KCNIP3: variants seen among roughly 807,000 people sequenced by gnomAD.
KCNIP3 encodes potassium voltage-gated channel interacting protein 3, also known as calsenilin.
Under a neutral mutation model 35.0 loss-of-function variants are expected in KCNIP3, and 28 were observed. That is an observed-to-expected ratio of 0.80 (90% confidence interval 0.59 to 1.10). KCNIP3 has a LOEUF of 1.10. KCNIP3 is among the 50% of genes least tolerant of loss of function. The probability of loss-of-function intolerance (pLI) is 0.00; values close to 1 mark genes in which losing one functional copy is unlikely to be tolerated. For missense variants in KCNIP3, 295 were observed against 338.4 expected (o/e 0.87, Z 1.01); for synonymous variants, 134 against 133.8 (o/e 1.00, Z -0.01).
At chr2:95,358,258 G>A (rs187365655) in intron 2 of KCNIP3, among the ~76,000 whole-genome samples, 130 of 152,262 alleles carry the variant, frequency 8.5e-4, no homozygotes, top group African/African-American at 3.0e-3. Context: ...ATGGGGTGGC[G>A]AAAAAGTGCC....
intron 2 of KCNIP3, among the ~76,000 whole-genome samples, chr2:95,315,462 T>C (rs1472407831): frequency 2.0e-5 from 3 of 152,156 alleles, no homozygotes; most frequent in African/African-American, 4.8e-5. Flanking sequence ...TGTGAAGCAC[T>C]TGCTGTCCCA....
intron 2 of KCNIP3, among the ~76,000 whole-genome samples, chr2:95,334,710 C>A (rs1299108541): frequency 6.6e-6 from 1 of 152,154 alleles, no homozygotes; most frequent in Non-Finnish European, 1.5e-5. Context: ...GAGAAATCCT[C>A]CACATGGGAG....
chr2:95,372,236 C>A (rs1032276270), intron 2 of KCNIP3, among the ~76,000 whole-genome samples: 1 of 152,192 alleles, frequency 6.6e-6, no homozygotes, highest in Non-Finnish European at 1.5e-5. Flanking sequence ...TCCATCCACG[C>A]TGCTGTGTGT....
chr2:95,345,843 C>T (rs1679341825), intron 2 of KCNIP3, among the ~76,000 whole-genome samples: 1 of 152,224 alleles, frequency 6.6e-6, no homozygotes, highest in East Asian at 1.9e-4. Context: ...CTACCAGACC[C>T]GGCAGGAAGA....
intron 2 of KCNIP3, chr2:95,311,795 C>T (rs1678326099): frequency 6.6e-6 from 1 of 152,264 alleles, no homozygotes; most frequent in Non-Finnish European, 1.5e-5. Context: ...AGACTTGTCC[C>T]CAACCCCTTC....
At chr2:95,300,850 G>C (rs1328536908) in intron 1 of KCNIP3, among the ~76,000 whole-genome samples, 2 of 152,200 alleles carry the variant, frequency 1.3e-5, no homozygotes, top group Non-Finnish European at 1.5e-5. Flanking sequence ...TGCCACCTCA[G>C]CTCTCTGCCC....
intron 2 of KCNIP3, among the ~76,000 whole-genome samples, chr2:95,347,348 C>T (rs1679402529): frequency 6.6e-6 from 1 of 152,194 alleles, no homozygotes; most frequent in African/African-American, 2.4e-5. Context: ...AGTGAGGCGC[C>T]TGGTGACACC....
chr2:95,342,407 G>C (rs145510438), intron 2 of KCNIP3, among the ~76,000 whole-genome samples: 7 of 152,338 alleles, frequency 4.6e-5, no homozygotes, highest in Non-Finnish European at 1.0e-4. Context: ...TGCTTTAGCT[G>C]CTTGGATTAG....
chr2:95,373,247 A>G (rs1680081291), intron 2 of KCNIP3, among the ~76,000 whole-genome samples: 1 of 152,204 alleles, frequency 6.6e-6, no homozygotes, highest in Non-Finnish European at 1.5e-5. Context: ...AGGTGTGGGC[A>G]CTCAGTGCTG....
Position 95,384,186 on chromosome 2 carries a change from A to ACACACG in KCNIP3, c.*142_*143insGCACAC. The ACACACG allele has an allele frequency of 1.5e-6, 1 of 653,876 alleles. No individual in the cohort carries two copies. The highest frequency in any genetic ancestry group is 2.8e-6 in the Non-Finnish European group (1 of 362,858). 40.5% of individuals were successfully genotyped at this position (653,876 alleles called of 1,614,324 possible). ...CAGATTGCTACACACACACACACAC[A>ACACACG]CACACACACACACACACACAGCCAT... On this transcript the variant is annotated 3_prime_UTR_variant, in exon 9 of 9. Coordinates refer to ENST00000295225, the MANE Select transcript of KCNIP3 (RefSeq NM_013434.5).
At chr2:95,324,876 A>ACT (rs1367237588) in intron 2 of KCNIP3, among the ~76,000 whole-genome samples, 3 of 152,270 alleles carry the variant, frequency 2.0e-5, no homozygotes, top group African/African-American at 7.2e-5. Context: ...GCGCCACTGC[A>ACT]CTCCAGCCTG....
chr2:95,304,588 G>A (rs749756116), intron 1 of KCNIP3, among the ~76,000 whole-genome samples: 5 of 150,402 alleles, frequency 3.3e-5, no homozygotes, highest in Non-Finnish European at 7.4e-5. Context: ...TTGAATAACA[G>A]GAGAACGCAT....
At chr2:95,381,096 CAT>C (rs1285488315) in intron 5 of KCNIP3, among the ~76,000 whole-genome samples, 2 of 152,194 alleles carry the variant, frequency 1.3e-5, no homozygotes, top group Non-Finnish European at 2.9e-5. Flanking sequence ...GCAGAATAAA[CAT>C]AGAGCACCTC....
At chr2:95,348,601 C>G (rs546144219) in intron 2 of KCNIP3, among the ~76,000 whole-genome samples, 2 of 152,194 alleles carry the variant, frequency 1.3e-5, no homozygotes, top group Admixed American at 6.5e-5. Flanking sequence ...CACCCACAGT[C>G]GGGGGCAGTG....
Position 95,378,875 on chromosome 2 carries a change from C to CAT in KCNIP3, c.448-2720_448-2719insTA, listed in dbSNP as rs1468936703. Among the ~76,000 whole-genome samples, 2 of 148,842 alleles carry CAT rather than the reference C, an allele frequency of 1.3e-5. No individual in the cohort carries two copies. Among genetic ancestry groups the CAT allele is most frequent in the Non-Finnish European group, 3.0e-5 (2 of 67,730 alleles). The stretch of plus-strand genomic sequence containing the variant: ...ATATATACACATATATACACACACA[C>CAT]ACATATATATACACACACACACATA... On this transcript the variant is annotated intron_variant, in intron 5 of 8. Coordinates refer to ENST00000295225, the MANE Select transcript of KCNIP3 (RefSeq NM_013434.5). This position sits in a 1 kb window ranked among gnomAD's most constrained non-coding sequence, Gnocchi z 4.0.
intron 7 of KCNIP3, 91 bp from the exon 8 acceptor site, chr2:95,383,131 ACCCGCCCATC>A: frequency 7.1e-5 from 21 of 295,786 alleles, no homozygotes; most frequent in East Asian, 1.1e-4. Flanking sequence ...CCATCCACCC[ACCCGCCCATC>A]CACCCACCCA....
intron 2 of KCNIP3, among the ~76,000 whole-genome samples, chr2:95,365,381 T>TGAACTCCTGGCCTC (rs1310032406): frequency 1.3e-4 from 20 of 152,120 alleles, no homozygotes; most frequent in Non-Finnish European, 1.5e-5. Context: ...AGGCTGGTCT[T>TGAACTCCTGGCCTC]GAACTCCTGG....
At chr2:95,342,767 C>T (rs1026199298) in intron 2 of KCNIP3, among the ~76,000 whole-genome samples, 5 of 152,208 alleles carry the variant, frequency 3.3e-5, no homozygotes, top group Admixed American at 3.3e-4. Flanking sequence ...ATCCTGGCTC[C>T]CGTCTGGTGG....
At chr2:95,342,933 C>T (rs1313169286) in intron 2 of KCNIP3, among the ~76,000 whole-genome samples, 1 of 152,184 alleles carries the variant, frequency 6.6e-6, no homozygotes, top group Admixed American at 6.5e-5. Flanking sequence ...ATGGCCATTG[C>T]TGAACCAGGA....
Sources: allele counts gnomAD v4.1 joint callset (sites outside exome capture counted in the v4.1 genomes callset), GRCh38; gene constraint gnomAD v4.1.1; non-coding constraint Gnocchi (gnomAD v3.1); transcripts MANE v1.5; gene names NCBI Gene and HGNC (gene_info 2026-07-23, HGNC 2026-07-21).